Variants in ETF1 observed in about 807,000 individuals in gnomAD.
The protein encoded by ETF1 is eukaryotic peptide chain release factor subunit 1.
ETF1 carries 4 observed loss-of-function variants against 55.1 expected under a neutral mutation model. The ratio of observed to expected loss-of-function variants is 0.07; its 90% CI spans 0.04 to 0.17. The LOEUF (loss-of-function observed/expected upper bound fraction) is 0.17, where lower values mean the gene tolerates loss of function less well. Ranked by LOEUF, ETF1 falls within the 10% of genes least tolerant of loss-of-function variation. The pLI is 1.00. For missense variants in ETF1, 142 were observed against 523.6 expected, an observed-to-expected ratio of 0.27 and a Z score of 7.11; for synonymous variants, 157 against 182.3, an observed-to-expected ratio of 0.86 and a Z score of 1.12.
intron 2 of ETF1, among the ~76,000 whole-genome samples, chr5:138,539,987 A>G (rs1766106689): frequency 6.6e-6 from 1 of 152,192 alleles, no homozygotes. Context: ...AGCACAGTCT[A>G]TAATATAGTA....
intron 2 of ETF1, among the ~76,000 whole-genome samples, chr5:138,519,942 A>AT (rs1271324131): frequency 6.7e-6 from 1 of 149,112 alleles, no homozygotes; most frequent in African/African-American, 2.5e-5. Flanking sequence ...GATGTTGAGC[A>AT]TTTTTTTCAT....
At chr5:138,510,466 A>G (rs4835685) in intron 9 of ETF1, 99 bp downstream of exon 9, 763,206 of 796,644 alleles carry the variant, frequency 0.96, 365,718 homozygotes, top group East Asian at 0.99. Flanking sequence ...CAATTAGTAT[A>G]AGGTTTGGTT....
At chr5:138,530,200 C>G (rs1765640420) in intron 2 of ETF1, among the ~76,000 whole-genome samples, 1 of 152,188 alleles carries the variant, frequency 6.6e-6, no homozygotes, top group Non-Finnish European at 1.5e-5. Flanking sequence ...CTTCCTCCAT[C>G]CTGACTCAAT....
At chr5:138,533,564 T>C (rs112622059) in intron 2 of ETF1, among the ~76,000 whole-genome samples, 22 of 152,226 alleles carry the variant, frequency 1.4e-4, no homozygotes, top group African/African-American at 5.1e-4. Flanking sequence ...CACGCACCTG[T>C]AGTACCAGTT....
intron 2 of ETF1, among the ~76,000 whole-genome samples, chr5:138,537,568 G>A (rs970523001): frequency 6.6e-6 from 1 of 151,978 alleles, no homozygotes; most frequent in Non-Finnish European, 1.5e-5. Flanking sequence ...TTTCTCATGT[G>A]GTCTTTATTT....
chr5:138,516,278 C>T (rs181064318), intron 4 of ETF1, among the ~76,000 whole-genome samples: 18 of 152,194 alleles, frequency 1.2e-4, no homozygotes, highest in Admixed American at 1.2e-3. Flanking sequence ...AATGGGTACC[C>T]TATTTTCCAT....
At chr5:138,534,817 C>G (rs949842878) in intron 2 of ETF1, among the ~76,000 whole-genome samples, 10 of 152,102 alleles carry the variant, frequency 6.6e-5, no homozygotes, top group Non-Finnish European at 4.4e-5. Context: ...TTACTAAAGG[C>G]TGTGATATTA....
chr5:138,536,229 T>C (rs1765922960), intron 2 of ETF1, among the ~76,000 whole-genome samples: 1 of 152,222 alleles, frequency 6.6e-6, no homozygotes, highest in Non-Finnish European at 1.5e-5. Flanking sequence ...TTGACTATGA[T>C]CATTCTTCTA....
chr5:138,541,556 G>A (rs952783358), intron 2 of ETF1: 2 of 1,535,250 alleles, frequency 1.3e-6, no homozygotes, highest in South Asian at 1.2e-5. Context: ...AGCACATCCT[G>A]TTTCATATAA....
chr5:138,532,755 ACT>A (rs927504058), intron 2 of ETF1, among the ~76,000 whole-genome samples: 16 of 152,162 alleles, frequency 1.1e-4, no homozygotes, highest in Non-Finnish European at 1.6e-4. Context: ...AACACTGGAA[ACT>A]CTGTAATTTA....
At position 138,518,108 on chromosome 5, in the gene ETF1, G is replaced by A. The variant is rs545035583; in HGVS notation, c.263-408C>T. 1.7e-3 allele frequency among the ~76,000 whole-genome samples: 250 copies of A among 151,028 alleles called. 3 individuals are homozygous for A. Among genetic ancestry groups the A allele is most frequent in the African/African-American group, 5.9e-3 (242 of 41,068 alleles). On this transcript the variant is annotated intron_variant, in intron 3 of 10. Coordinates refer to ENST00000360541, the MANE Select transcript of ETF1 (RefSeq NM_004730.4). ...TCCCAGCTACTCGAGAGGCTGAGAC[G>A]GAAGAATCACTTCAACCTGGGAGGC... is the stretch of plus-strand genomic sequence containing the variant.
intron 2 of ETF1, among the ~76,000 whole-genome samples, chr5:138,519,658 G>C (rs908786012): frequency 4.1e-5 from 6 of 146,892 alleles, no homozygotes; most frequent in Middle Eastern, 3.6e-3. Context: ...GCTAGACTTA[G>C]TCTCGAGAAA....
intron 2 of ETF1, among the ~76,000 whole-genome samples, chr5:138,524,501 C>T (rs563200241): frequency 1.3e-5 from 2 of 151,146 alleles, no homozygotes; most frequent in African/African-American, 2.4e-5. Flanking sequence ...TGCAGTGAGC[C>T]GTGATCACAC....
chr5:138,512,538 A>C (rs2127070828), intron 6 of ETF1, among the ~76,000 whole-genome samples: 1 of 152,176 alleles, frequency 6.6e-6, no homozygotes, highest in Middle Eastern at 3.4e-3. Context: ...CCTCCACAGG[A>C]TCCATAAGAA....
chr5:138,523,165 G>T (rs928456223), intron 2 of ETF1, among the ~76,000 whole-genome samples: 1 of 151,752 alleles, frequency 6.6e-6, no homozygotes, highest in African/African-American at 2.4e-5. Context: ...TCAAGAGACC[G>T]AGACCATCCT....
chr5:138,519,244 A>T, intron 2 of ETF1: 1 of 970,022 alleles, frequency 1.0e-6, no homozygotes, highest in African/African-American at 1.7e-5. Flanking sequence ...GTTGAGTGGG[A>T]GACGCCATGA....
chr5:138,507,549 T>C lies in ETF1; in HGVS notation c.*756A>G, dbSNP rs1395831210. ...AGTAGGTTAAGGTTATAGGGACCCT[T>C]GTCAGAACATTGATACAAAGGGCTC... is the stretch of plus-strand genomic sequence containing the variant. On this transcript the variant is annotated 3_prime_UTR_variant, in exon 11 of 11. Coordinates refer to ENST00000360541, the MANE Select transcript of ETF1 (RefSeq NM_004730.4). 6.6e-6 allele frequency: 1 copy of C among 152,648 alleles called. No individual in the cohort carries two copies. The highest frequency in any genetic ancestry group is 2.4e-5 in the African/African-American group (1 of 41,452). 9.5% of individuals were successfully genotyped at this position (152,648 alleles called of 1,614,324 possible). A position where few individuals can be genotyped will look rare whatever the true frequency, so the allele number is the denominator to read the frequency against.
chr5:138,517,480 G>T, intron 4 of ETF1, 81 bp downstream of exon 4: 1 of 690,026 alleles, frequency 1.4e-6, no homozygotes, highest in Non-Finnish European at 2.3e-6. Flanking sequence ...CAGGTAAGTG[G>T]GAGGGATGGG....
chr5:138,512,256 ATATTTTTTT>A (rs1179762984), intron 6 of ETF1, among the ~76,000 whole-genome samples: 35 of 18,886 alleles, frequency 1.9e-3, no homozygotes, highest in South Asian at 4.0e-3. Context: ...ATATATATAT[ATATTTTTTT>A]TTTTTTTTAA....
Sources: gnomAD v4.1 joint callset for allele counts (sites outside exome capture counted in the v4.1 genomes callset) on GRCh38, gnomAD v4.1.1 for gene constraint, MANE v1.5 for transcripts, NCBI Gene and HGNC (gene_info 2026-07-23, HGNC 2026-07-21) for gene names.